MYH15: variants seen among roughly 807,000 people sequenced by gnomAD.
MYH15 encodes myosin heavy chain 15.
In MYH15, 227 loss-of-function variants were observed where a neutral mutation model predicts 240.5. The ratio of observed to expected loss-of-function variants is 0.94; its 90% confidence interval spans 0.85 to 1.05. The LOEUF is 1.05. Ranked by LOEUF, MYH15 falls within the 50% of genes least tolerant of loss-of-function variation. MYH15 has a pLI of 0.00. For synonymous variants in MYH15, 785 were observed against 796.7 expected (o/e 0.99, Z 0.25); for missense variants, 2,217 against 2,247.5 (o/e 0.99, Z 0.27).
chr3:108,418,907 C>A (rs1387613754), intron 28 of MYH15, among the ~76,000 whole-genome samples: 1 of 152,142 alleles, frequency 6.6e-6, no homozygotes, highest in Non-Finnish European at 1.5e-5. Context: ...CCTGCCACCA[C>A]GCCTGGCTAA....
chr3:108,433,690 TTCTC>T (rs1034243146), intron 25 of MYH15, among the ~76,000 whole-genome samples: 61 of 152,192 alleles, frequency 4.0e-4, no homozygotes, highest in African/African-American at 1.4e-3. Flanking sequence ...CCTGCACAAG[TTCTC>T]TCTGTTTTTG....
intron 9 of MYH15, among the ~76,000 whole-genome samples, chr3:108,490,708 T>C (rs2083339330): frequency 6.6e-6 from 1 of 152,188 alleles, no homozygotes; most frequent in South Asian, 2.1e-4. Flanking sequence ...GCCTACTTGC[T>C]CCCTTACTCA....
intron 38 of MYH15, 113 bp from the exon 39 acceptor site, chr3:108,384,895 G>T: frequency 1.1e-6 from 1 of 894,266 alleles, no homozygotes; most frequent in Non-Finnish European, 1.7e-6. Context: ...CATCATCTCA[G>T]AGTTGTGATT....
intron 1 of MYH15, among the ~76,000 whole-genome samples, chr3:108,506,528 C>T (rs1006506274): frequency 1.3e-5 from 2 of 152,104 alleles, no homozygotes; most frequent in African/African-American, 4.8e-5. Context: ...CTTATGAACA[C>T]CTGAGGCAGC....
intron 30 of MYH15, among the ~76,000 whole-genome samples, chr3:108,411,582 A>G (rs1390016382): frequency 1.3e-5 from 2 of 152,176 alleles, no homozygotes; most frequent in Non-Finnish European, 2.9e-5. Flanking sequence ...TCTGAGATGG[A>G]GTAATTTATT....
intron 28 of MYH15, 136 bp from the exon 29 acceptor site, chr3:108,417,066 T>G (rs1438164447): frequency 7.6e-6 from 5 of 657,750 alleles, no homozygotes; most frequent in Non-Finnish European, 1.3e-5. Flanking sequence ...GGTCTGAGAG[T>G]CCTATTATTC....
At chr3:108,462,070 G>A (rs562269562) in intron 16 of MYH15, among the ~76,000 whole-genome samples, 160 of 152,260 alleles carry the variant, frequency 1.1e-3, no homozygotes, top group African/African-American at 3.4e-3. Context: ...AAATGTGCAT[G>A]TGAAATCTGA....
chr3:108,530,167 C>T (rs1331465376), upstream of MYH15, among the ~76,000 whole-genome samples: 1 of 152,190 alleles, frequency 6.6e-6, no homozygotes, highest in Non-Finnish European at 1.5e-5. Context: ...CTAAACACTG[C>T]TCTTGTCCTT....
intron 7 of MYH15, among the ~76,000 whole-genome samples, chr3:108,495,231 A>G (rs2083381391): frequency 6.6e-6 from 1 of 152,224 alleles, no homozygotes; most frequent in Non-Finnish European, 1.5e-5. Flanking sequence ...AGGTTTAGAA[A>G]TCCAAATTCT....
chr3:108,510,361 C>G (rs1576276677), intron 1 of MYH15, 82 bp downstream of exon 1: 3 of 1,518,170 alleles, frequency 2.0e-6, no homozygotes, highest in Admixed American at 4.3e-5. Context: ...GAACTGATGG[C>G]TCTTCTCTGT....
In MYH15 at chr3:108,408,334, C is replaced by G. The variant is rs900443265; in HGVS notation, c.4566G>C (p.Lys1522Asn). 7 of 1,613,508 alleles carry G rather than the reference C, an allele frequency of 4.3e-6. No homozygotes were observed. The African/African-American group carries it at 8.0e-5, about 18-fold the overall frequency. Residue 1522 changes from lysine to asparagine, a missense_variant, in exon 32 of 41, where the codon AAG becomes AAC. By Grantham distance (94) the Lys-to-Asn change is moderately conservative. Coordinates refer to ENST00000693548, the MANE Select transcript of MYH15 (RefSeq NM_014981.3). ...TKNLTEMEKV[K>N]KLIEEEKTEV... The stretch of plus-strand genomic sequence containing the variant: ...CTGTCTTCTCTTCTTCAATTAGTTT[C>G]TTGACCTTTTCCATTTCAGTTAAGT...
intron 12 of MYH15, among the ~76,000 whole-genome samples, chr3:108,474,568 T>C (rs1454801562): frequency 1.3e-5 from 2 of 151,934 alleles, no homozygotes; most frequent in Non-Finnish European, 2.9e-5. Flanking sequence ...ATGTATACAA[T>C]GTGGTAATGA....
At chr3:108,457,004 A>T (rs2083027787) in intron 18 of MYH15, 121 bp from the exon 19 acceptor site, 1 of 697,382 alleles carries the variant, frequency 1.4e-6, no homozygotes. Context: ...TTTCCACATG[A>T]TAGGTCATAG....
At chr3:108,406,638 A>G (rs1164387058) in intron 32 of MYH15, among the ~76,000 whole-genome samples, 2 of 152,236 alleles carry the variant, frequency 1.3e-5, no homozygotes, top group Non-Finnish European at 2.9e-5. Flanking sequence ...AAAATCTGAT[A>G]AAGTTTCTCA....
At chr3:108,443,324 C>T (rs1396510873) in intron 22 of MYH15, among the ~76,000 whole-genome samples, 2 of 152,016 alleles carry the variant, frequency 1.3e-5, no homozygotes, top group Admixed American at 6.6e-5. Flanking sequence ...TGTTGGCATG[C>T]TGGTAGATAA....
intron 27 of MYH15, 128 bp from the exon 28 acceptor site, chr3:108,421,342 G>T: frequency 9.3e-7 from 1 of 1,078,786 alleles, no homozygotes; most frequent in Non-Finnish European, 1.3e-6. Context: ...AGCTCAGCCA[G>T]CATTGGGAGA....
chr3:108,519,263 T>C (rs147743242), intron 1 of MYH15, among the ~76,000 whole-genome samples: 2 of 152,284 alleles, frequency 1.3e-5, no homozygotes, highest in African/African-American at 4.8e-5. Flanking sequence ...AAAAATCAAC[T>C]GGTATACCAT....
At chr3:108,422,585 G>A (rs754760426) in intron 27 of MYH15, among the ~76,000 whole-genome samples, 8 of 152,130 alleles carry the variant, frequency 5.3e-5, no homozygotes, top group African/African-American at 1.9e-4. Context: ...AATTTATTGG[G>A]TGCTTGTTAC....
intron 10 of MYH15, 30 bp downstream of exon 10, chr3:108,486,393 G>C: frequency 6.5e-7 from 1 of 1,540,672 alleles, no homozygotes; most frequent in African/African-American, 1.4e-5. Flanking sequence ...GCCATTACCA[G>C]ATTTTGCTTT....
Sources: allele counts gnomAD v4.1 joint callset (sites outside exome capture counted in the v4.1 genomes callset), GRCh38; gene constraint gnomAD v4.1.1; transcripts MANE v1.5; gene names NCBI Gene and HGNC (gene_info 2026-07-23, HGNC 2026-07-21).